Variants in TLE1 observed in about 807,000 individuals in gnomAD.
TLE1 encodes transducin-like enhancer protein 1.
TLE1 carries 21 observed loss-of-function variants against 89.8 expected under a neutral mutation model. That is an observed-to-expected ratio of 0.23 (90% CI 0.17 to 0.34). The LOEUF (loss-of-function observed/expected upper bound fraction) is 0.34. Among genes scored for constraint, TLE1 ranks in the 10% least tolerant of loss-of-function variants. TLE1 has a pLI of 1.00. For synonymous variants in TLE1, 447 were observed against 407.6 expected (o/e 1.10, Z -1.16); for missense variants, 795 against 1,031.2 (o/e 0.77, Z 3.14).
In TLE1 at chr9:81,593,186, G is replaced by A. The variant is rs1184446188; in HGVS notation, c.1420C>T (p.His474Tyr). Residue 474 changes from histidine to tyrosine, a missense_variant, in exon 15 of 20, where the codon CAT becomes TAT. By Grantham distance (83) the His-to-Tyr change is moderately conservative. Around this residue, in one of 4 missense-constraint regions of TLE1, gnomAD observed 468 missense variants for 509.1 expected, o/e 0.92. Coordinates refer to ENST00000376499, the MANE Select transcript of TLE1 (RefSeq NM_005077.5). ...TTGAGGGTGTTGATCTGGCGAGCAT[G>A]CCGGGGGATTCCGGGTCCGATGAGG... ...DALIGPGIPR[H>Y]ARQINTLNHG... 1.2e-6 allele frequency: 2 copies of A among 1,613,950 alleles called. No individual in the cohort carries two copies. The highest frequency in any genetic ancestry group is 8.5e-7 in the Non-Finnish European group (1 of 1,180,016).
intron 4 of TLE1, among the ~76,000 whole-genome samples, chr9:81,679,796 T>C (rs1833374432): frequency 6.6e-6 from 1 of 152,092 alleles, no homozygotes; most frequent in African/African-American, 2.4e-5. Flanking sequence ...ACGAAATCAA[T>C]CAAAGCTTTG....
chr9:81,604,640 A>G (rs532669431), intron 14 of TLE1, among the ~76,000 whole-genome samples: 5 of 152,298 alleles, frequency 3.3e-5, no homozygotes, highest in African/African-American at 1.2e-4. Context: ...TCAGAGGCAC[A>G]CTGTCACTGC....
intron 8 of TLE1, among the ~76,000 whole-genome samples, chr9:81,629,094 C>T (rs556824216): frequency 6.6e-6 from 1 of 152,226 alleles, no homozygotes; most frequent in Admixed American, 6.5e-5. Flanking sequence ...TGGATCACTG[C>T]AAAATGATAG....
chr9:81,644,762 G>A (rs1384190663), intron 6 of TLE1, among the ~76,000 whole-genome samples: 1 of 152,138 alleles, frequency 6.6e-6, no homozygotes, highest in African/African-American at 2.4e-5. Flanking sequence ...GGGAGGCAGA[G>A]ACAGGTGAAT....
Position 81,590,882 on chromosome 9 carries a change from G to C in TLE1, c.1752C>G (p.Pro584=). The change falls in exon 16 of 20, where the codon CCC becomes CCG. Residue 584 remains proline (P), a synonymous_variant. Transcript: ENST00000376499. ...APACYALAIS[P]DSKVCFSCCS... Reference sequence around the variant, plus strand: ...AGCATGAGAAGCAGACCTTGGAATCGGGGCTGATGGCCAGGGCGTAGCAGG... The same window carrying C: ...AGCATGAGAAGCAGACCTTGGAATCCGGGCTGATGGCCAGGGCGTAGCAGG... 2 of 1,614,238 alleles carry C rather than the reference G, an allele frequency of 1.2e-6. No individual in the cohort carries two copies. Among genetic ancestry groups the C allele is most frequent in the Non-Finnish European group, 1.7e-6 (2 of 1,180,042 alleles).
chr9:81,603,366 C>T (rs970132785), intron 14 of TLE1, among the ~76,000 whole-genome samples: 1 of 152,054 alleles, frequency 6.6e-6, no homozygotes, highest in African/African-American at 2.4e-5. Flanking sequence ...ACCAAATATG[C>T]CCTTTCGGTA....
chr9:81,620,791 C>A, intron 8 of TLE1: 1 of 1,344,050 alleles, frequency 7.4e-7, no homozygotes, highest in Non-Finnish European at 9.7e-7. Flanking sequence ...TTCTTCAGGC[C>A]TCCTTGGAAA....
chr9:81,666,505 G>A (rs751617130), intron 4 of TLE1, among the ~76,000 whole-genome samples: 2 of 151,994 alleles, frequency 1.3e-5, no homozygotes, highest in Non-Finnish European at 2.9e-5. Context: ...AGCCAGGCGC[G>A]GTGGCTCACA....
At chr9:81,663,544 C>T (rs74436915) in intron 4 of TLE1, among the ~76,000 whole-genome samples, 1,825 of 152,154 alleles carry the variant, frequency 0.012, 35 homozygotes, top group African/African-American at 0.034. Flanking sequence ...AAAGGGACTA[C>T]AGAAAGTGCC....
chr9:81,634,170 A>G lies in TLE1; in HGVS notation c.504T>C (p.Ser168=), dbSNP rs17851325. 1 of 1,599,252 alleles carries G rather than the reference A, an allele frequency of 6.3e-7. No individual in the cohort carries two copies. Among genetic ancestry groups the G allele is most frequent in the South Asian group, 1.1e-5 (1 of 88,606 alleles). ...AGTGAGACTGCCCACTCAGAGCACT[A>G]GACAGCGCAAGAAGGCCGGCACTGC... ...LGGSAGLLAL[S]SALSGQSHLA... is the part of the protein sequence containing the mutation. The change falls in exon 7 of 20, where the codon TCT becomes TCC. Residue 168 remains serine, a synonymous_variant. Transcript: ENST00000376499.
chr9:81,684,951 A>G (rs574181222), intron 4 of TLE1, among the ~76,000 whole-genome samples: 1 of 152,052 alleles, frequency 6.6e-6, no homozygotes, highest in South Asian at 2.1e-4. Flanking sequence ...CCAGCTCAAT[A>G]CTCTTTTTAT....
At position 81,610,356 on chromosome 9, in the gene TLE1, T is replaced by C; in HGVS notation, c.1255-60A>G. 6 of 1,219,074 alleles carry C rather than the reference T, an allele frequency of 4.9e-6. No individual in the cohort carries two copies. The South Asian group carries it at 7.6e-5, about 16-fold the overall frequency. The allele number at this position is 1,219,074 out of a possible 1,614,324, so 75.5% of individuals were successfully genotyped here. A position where few individuals can be genotyped will look rare whatever the true frequency, so the allele number is the denominator to read the frequency against. ...TATTGCAGCAGGCACTTTGTGAACA[T>C]CAATACTGTTCATTAGAAACTCACA... On this transcript the variant is annotated intron_variant, in intron 13 of 19. Coordinates refer to ENST00000376499, the MANE Select transcript of TLE1 (RefSeq NM_005077.5).
intron 4 of TLE1, among the ~76,000 whole-genome samples, chr9:81,684,507 G>A (rs1191097794): frequency 6.6e-6 from 1 of 152,190 alleles, no homozygotes; most frequent in Non-Finnish European, 1.5e-5. Flanking sequence ...AAAGAGTGCG[G>A]AGTTACAAAA....
intron 18 of TLE1, 119 bp from the exon 19 acceptor site, chr9:81,584,643 G>T: frequency 1.1e-6 from 1 of 871,092 alleles, no homozygotes. Context: ...ATGCCCTAAG[G>T]ACTGGTCCAT....
At chr9:81,612,055 G>A (rs776940779) in intron 12 of TLE1, 96 bp from the exon 13 acceptor site, 22 of 1,007,010 alleles carry the variant, frequency 2.2e-5, no homozygotes, top group Middle Eastern at 2.3e-4. Context: ...GTCACTCATG[G>A]GGAGAGAGAA....
intron 8 of TLE1, among the ~76,000 whole-genome samples, chr9:81,623,988 G>A (rs983327299): frequency 4.6e-5 from 7 of 151,714 alleles, no homozygotes; most frequent in Admixed American, 6.6e-5. Flanking sequence ...GAGGCCAAGC[G>A]GCTCTGTCCA....
Position 81,611,762 on chromosome 9 carries a change from G to T in TLE1, c.1254+7C>A. 1 of 1,513,256 alleles carries T rather than the reference G, an allele frequency of 6.6e-7. No homozygotes were observed. Among genetic ancestry groups the T allele is most frequent in the Non-Finnish European group, 8.8e-7 (1 of 1,139,606 alleles). The allele number at this position is 1,513,256 out of a possible 1,614,324, so 93.7% of individuals were successfully genotyped here. The stretch of plus-strand genomic sequence containing the variant: ...CCCCAACCACAGCCCACCCGACAGC[G>T]GCCTACCATGGGGGAGCGCCCGTAG... On this transcript the variant is annotated splice_region_variant and intron_variant, in intron 13 of 19. Coordinates refer to ENST00000376499, the MANE Select transcript of TLE1 (RefSeq NM_005077.5).
chr9:81,587,794 T>C lies in TLE1; in HGVS notation c.1864A>G (p.Ile622Val), dbSNP rs1016283349. Residue 622 changes from isoleucine (I) to valine (V), a missense_variant, in exon 17 of 20, where the codon ATT becomes GTT. Physicochemically the swap from Ile to Val is conservative, Grantham distance 29 (BLOSUM62 3). Transcript: ENST00000376499. ...TTGGTGCCATCATTAGAAATGTCAA[T>C]ACAGCTGGCTCCGTCTGTGTGGCCC... is the stretch of plus-strand genomic sequence containing the variant. Reference protein sequence around the residue: ...FQGHTDGASCIDISNDGTKLW... With the variant: ...FQGHTDGASCVDISNDGTKLW... The C allele has an allele frequency of 6.2e-6, 10 of 1,614,020 alleles. No homozygotes were observed. The highest frequency in any genetic ancestry group is 7.6e-6 in the Non-Finnish European group (9 of 1,180,030).
intron 4 of TLE1, among the ~76,000 whole-genome samples, chr9:81,655,135 G>C (rs1830008811): frequency 6.6e-6 from 1 of 152,136 alleles, no homozygotes; most frequent in Admixed American, 6.5e-5. Context: ...TGAGGCCAAG[G>C]CATGTGGATT....
Sources: allele counts gnomAD v4.1 joint callset (sites outside exome capture counted in the v4.1 genomes callset), GRCh38; gene constraint gnomAD v4.1.1; regional missense constraint gnomAD v4.1.1; transcripts MANE v1.5; gene names NCBI Gene and HGNC (gene_info 2026-07-23, HGNC 2026-07-21).